The following ASCC3 variants were observed in gnomAD, a reference collection of about 807,000 sequenced individuals.
ASCC3 encodes the protein ASC-1 complex subunit P200.
A neutral mutation model predicts 256.3 loss-of-function variants in ASCC3; 158 were observed. That is an observed-to-expected ratio of 0.62 (90% CI 0.54 to 0.70). The LOEUF (loss-of-function observed/expected upper bound fraction) is 0.70. Among genes scored for constraint, ASCC3 ranks in the 30% least tolerant of loss-of-function variants. The pLI, the probability that ASCC3 is intolerant of heterozygous loss-of-function variation, is 0.00. For missense variants in ASCC3, 2,259 were observed against 2,626.0 expected (o/e 0.86, Z 3.05); for synonymous variants, 948 against 883.4 (o/e 1.07, Z -1.30).
chr6:100,705,965 T>C (rs1778561300), intron 13 of ASCC3, among the ~76,000 whole-genome samples: 1 of 151,966 alleles, frequency 6.6e-6, no homozygotes, highest in South Asian at 2.1e-4. Context: ...CACTAATATG[T>C]AGTTAGTTAT....
intron 13 of ASCC3, among the ~76,000 whole-genome samples, chr6:100,683,172 T>C (rs1313929640): frequency 6.6e-6 from 1 of 152,164 alleles, no homozygotes; most frequent in East Asian, 1.9e-4. Context: ...TTAAGGTATT[T>C]TATATAACTA....
chr6:100,807,482 G>C (rs1770248755), intron 4 of ASCC3, among the ~76,000 whole-genome samples: 1 of 151,678 alleles, frequency 6.6e-6, no homozygotes. Context: ...ACACTTAGGG[G>C]GCCCACATGG....
At chr6:100,718,321 C>A in intron 11 of ASCC3, 70 bp from the exon 12 acceptor site, 1 of 1,339,070 alleles carries the variant, frequency 7.5e-7, no homozygotes, top group South Asian at 1.4e-5. Flanking sequence ...ATAATTTGTC[C>A]TATTAATAGG....
In ASCC3 at chr6:100,770,778, G is replaced by A. The variant is rs542476374; in HGVS notation, c.1396-3433C>T. 2.0e-5 allele frequency among the ~76,000 whole-genome samples: 3 copies of A among 151,396 alleles called. No individual in the cohort carries two copies. The South Asian group carries it at 6.3e-4, about 32-fold the overall frequency. On this transcript the variant is annotated intron_variant, in intron 8 of 41. Coordinates refer to ENST00000369162, the MANE Select transcript of ASCC3 (RefSeq NM_006828.4). ...TTAAGGATAAATATGAAAAGAGATG[G>A]GAAAGACCTGTACACTGAAAAATAT... is the stretch of plus-strand genomic sequence containing the variant.
At chr6:100,621,828 G>T (rs1372502959) in intron 30 of ASCC3, among the ~76,000 whole-genome samples, 4 of 152,124 alleles carry the variant, frequency 2.6e-5, no homozygotes, top group African/African-American at 9.7e-5. Flanking sequence ...GCAAAGACAT[G>T]GAATCAACCC....
intron 6 of ASCC3, among the ~76,000 whole-genome samples, chr6:100,799,822 C>T (rs1336251): frequency 0.55 from 83,321 of 151,796 alleles, 23,249 homozygotes; most frequent in South Asian, 0.75. Flanking sequence ...TCCAATTTTG[C>T]TTTTTCACAA....
chr6:100,819,161 G>A (rs1407536021), intron 4 of ASCC3, among the ~76,000 whole-genome samples: 1 of 151,094 alleles, frequency 6.6e-6, no homozygotes, highest in Non-Finnish European at 1.5e-5. Flanking sequence ...ATGGGAGCCT[G>A]TCGGGGGCTG....
intron 15 of ASCC3, 121 bp from the exon 16 acceptor site, chr6:100,662,151 T>C (rs960543597): frequency 9.6e-6 from 11 of 1,146,776 alleles, no homozygotes; most frequent in Non-Finnish European, 1.3e-5. Flanking sequence ...ACTAATCCTT[T>C]CATCATCTGT....
intron 30 of ASCC3, among the ~76,000 whole-genome samples, chr6:100,609,270 T>C (rs1773268758): frequency 6.9e-6 from 1 of 144,998 alleles, no homozygotes; most frequent in Non-Finnish European, 1.5e-5. Flanking sequence ...AATTTATTTT[T>C]GTATAGAAAC....
At chr6:100,699,826 T>C (rs1778267992) in intron 13 of ASCC3, among the ~76,000 whole-genome samples, 1 of 152,086 alleles carries the variant, frequency 6.6e-6, no homozygotes, top group African/African-American at 2.4e-5. Context: ...GCCATAGAGA[T>C]TTGTGGAACT....
At chr6:100,880,620 C>CA (rs35211272) in intron 1 of ASCC3, among the ~76,000 whole-genome samples, 19,594 of 152,166 alleles carry the variant, frequency 0.13, 2,223 homozygotes, top group East Asian at 0.31. Context: ...AATTCACCCA[C>CA]AATCCATCAC....
At chr6:100,628,366 T>C (rs146375620) in intron 27 of ASCC3, among the ~76,000 whole-genome samples, 207 of 152,278 alleles carry the variant, frequency 1.4e-3, no homozygotes, top group Non-Finnish European at 2.3e-3. Context: ...TTAATAAAAA[T>C]ATATCATATA....
intron 4 of ASCC3, among the ~76,000 whole-genome samples, chr6:100,823,517 G>A (rs558172603): frequency 2.2e-4 from 33 of 152,142 alleles, no homozygotes; most frequent in Non-Finnish European, 4.1e-4. Context: ...GACACAGTAG[G>A]TATGGACGGG....
At chr6:100,666,195 CACATTACAGTCTGTT>C (rs1319513928) in intron 14 of ASCC3, among the ~76,000 whole-genome samples, 1 of 152,110 alleles carries the variant, frequency 6.6e-6, no homozygotes, top group Non-Finnish European at 1.5e-5. Flanking sequence ...TACAGATGGG[CACATTACAGTCTGTT>C]AATCGGACCT....
chr6:100,595,370 A>C (rs1018705143), intron 34 of ASCC3, among the ~76,000 whole-genome samples: 1 of 152,212 alleles, frequency 6.6e-6, no homozygotes, highest in African/African-American at 2.4e-5. Flanking sequence ...AAATCTCACA[A>C]ATATTTATAG....
At chr6:100,739,614 A>G (rs2115066367) in intron 10 of ASCC3, among the ~76,000 whole-genome samples, 1 of 151,722 alleles carries the variant, frequency 6.6e-6, no homozygotes, top group African/African-American at 2.4e-5. Context: ...CTATTTCAGA[A>G]CTCACTATTG....
Position 100,718,767 on chromosome 6 carries a change from T to G in ASCC3, c.1903-516A>C, listed in dbSNP as rs138663422. Among the ~76,000 whole-genome samples the G allele has an allele frequency of 1.5e-3, 229 of 151,928 alleles. 1 individual carries two copies. The highest frequency in any genetic ancestry group is 5.4e-3 in the African/African-American group (223 of 41,472). ...ATAAATACATGAATAAAAATAAAAA[T>G]AAAAATGTGAATTAAGAACTTTGTG... is the stretch of plus-strand genomic sequence containing the variant. On this transcript the variant is annotated intron_variant, in intron 11 of 41. Transcript: ENST00000369162.
At chr6:100,765,654 C>T (rs1781619591) in intron 10 of ASCC3, among the ~76,000 whole-genome samples, 2 of 152,192 alleles carry the variant, frequency 1.3e-5, no homozygotes, top group African/African-American at 4.8e-5. Context: ...AGCTGTACCC[C>T]AATCACATTG....
At chr6:100,616,379 T>A (rs1773663967) in intron 30 of ASCC3, among the ~76,000 whole-genome samples, 1 of 152,222 alleles carries the variant, frequency 6.6e-6, no homozygotes, top group Admixed American at 6.5e-5. Flanking sequence ...AAAGTATTCT[T>A]CCTATGCACC....
Sources: allele counts gnomAD v4.1 joint callset (sites outside exome capture counted in the v4.1 genomes callset), GRCh38; gene constraint gnomAD v4.1.1; transcripts MANE v1.5; gene names NCBI Gene and HGNC (gene_info 2026-07-23, HGNC 2026-07-21).